Variants in CCDC136 observed in about 807,000 individuals in gnomAD.
The protein encoded by CCDC136 is coiled-coil domain-containing protein 136.
CCDC136 carries 100 observed loss-of-function variants against 141.2 expected under a neutral mutation model. The observed-to-expected ratio is 0.71, with a 90% CI of 0.60 to 0.84. The LOEUF (loss-of-function observed/expected upper bound fraction) is 0.84, where lower values mean the gene tolerates loss of function less well. CCDC136 is among the 40% of genes least tolerant of loss of function. The probability of loss-of-function intolerance (pLI) is 0.00; values close to 1 mark genes in which losing one functional copy is unlikely to be tolerated. For synonymous variants in CCDC136, 474 were observed against 531.9 expected, an observed-to-expected ratio of 0.89 and a Z score of 1.50; for missense variants, 1,206 against 1,379.4, an observed-to-expected ratio of 0.87 and a Z score of 1.99.
intron 1 of CCDC136, among the ~76,000 whole-genome samples, chr7:128,792,955 G>A (rs1802411540): frequency 6.6e-6 from 1 of 152,224 alleles, no homozygotes; most frequent in Non-Finnish European, 1.5e-5. Context: ...ACACCCATGT[G>A]ACTTGGCAGT....
intron 3 of CCDC136, among the ~76,000 whole-genome samples, chr7:128,796,182 G>A (rs1802918379): frequency 6.6e-6 from 1 of 152,118 alleles, no homozygotes; most frequent in African/African-American, 2.4e-5. Context: ...CACCATGTTG[G>A]CCAGGCTGGT....
At chr7:128,804,275 C>T (rs1296875387) in intron 4 of CCDC136, among the ~76,000 whole-genome samples, 1 of 152,196 alleles carries the variant, frequency 6.6e-6, no homozygotes, top group Non-Finnish European at 1.5e-5. Context: ...TAATCATAAA[C>T]AGTTGAATGG....
rs913260726 is a variant in CCDC136 at position 128,794,138 on chromosome 7, G to A, written c.17-210G>A. ...ACCAAGTGCAACATTGGTCCAGGAA[G>A]GGCCTGGGAGGTGGAGGGGCTGCTT... On this transcript the variant is annotated intron_variant, in intron 1 of 17. Transcript: ENST00000297788. This position sits in a 1 kb window ranked among gnomAD's most constrained non-coding sequence, Gnocchi z 4.3. The A allele has an allele frequency of 3.0e-6, 2 of 663,484 alleles. No homozygotes were observed. The highest frequency in any genetic ancestry group is 3.5e-5 in the African/African-American group (2 of 56,564). 41.1% of individuals were successfully genotyped at this position (663,484 alleles called of 1,614,324 possible). A position where few individuals can be genotyped will look rare whatever the true frequency, so the allele number is the denominator to read the frequency against.
rs780860317 is a variant in CCDC136, at chr7:128,801,479, T to C, written c.640T>C (p.Leu214=). 1 of 1,606,920 alleles carries C rather than the reference T, an allele frequency of 6.2e-7. No individual in the cohort carries two copies. Among genetic ancestry groups the C allele is most frequent in the Non-Finnish European group, 8.5e-7 (1 of 1,174,424 alleles). Residue 214 remains leucine, a synonymous_variant, in exon 4 of 18, where the codon TTA becomes CTA. Coordinates refer to ENST00000297788, the MANE Select transcript of CCDC136 (RefSeq NM_022742.5). Reference sequence around the variant, plus strand: ...GAAGAGCTCTGAACCATCCGGTAGTTTAGGTCTCTCAGATTACTCTGGGTT... The same window carrying C: ...GAAGAGCTCTGAACCATCCGGTAGTCTAGGTCTCTCAGATTACTCTGGGTT... The part of the protein sequence containing the change: ...EMKSSEPSGS[L]GLSDYSGLQE...
chr7:128,819,617 CTG>C (rs1807164763), intron 17 of CCDC136, among the ~76,000 whole-genome samples: 1 of 152,156 alleles, frequency 6.6e-6, no homozygotes, highest in Admixed American at 6.5e-5. Context: ...CGTATATTAA[CTG>C]ATTTAATCCT....
chr7:128,811,350 A>G, intron 12 of CCDC136: 1 of 457,084 alleles, frequency 2.2e-6, no homozygotes. Context: ...ACAGGAACTA[A>G]TAGTAAGACT....
chr7:128,805,218 AT>A lies in CCDC136; in HGVS notation c.783-140del, dbSNP rs1370575516. On this transcript the variant is annotated intron_variant, in intron 5 of 17. Transcript: ENST00000297788. The surrounding 1 kb of genome is among the most constrained non-coding windows in gnomAD (Gnocchi z 4.6). ...GGAGACTTTCTGTAGTCTTTTAAGCATGTTTATCTGAGCGGTGAGTCACAAT... is the reference window on the plus strand; with the variant it reads ...GGAGACTTTCTGTAGTCTTTTAAGCAGTTTATCTGAGCGGTGAGTCACAAT... 7.1e-6 allele frequency: 5 copies of A among 699,992 alleles called. No individual in the cohort carries two copies. The East Asian group carries it at 1.1e-4, about 15-fold the overall frequency. The allele number at this position is 699,992 out of a possible 1,614,324, so 43.4% of individuals were successfully genotyped here.
In CCDC136 at chr7:128,811,849, A is replaced by T. The variant is rs777068272; in HGVS notation, c.2078A>T (p.Asp693Val). Residue 693 changes from aspartate to valine, a missense_variant, in exon 13 of 18, where the codon GAC becomes GTC. Asp to Val is a radical substitution (Grantham distance 152, BLOSUM62 -3). Coordinates refer to ENST00000297788, the MANE Select transcript of CCDC136 (RefSeq NM_022742.5). ...ATGCAGGCCCTGCAGGTGATGTATG[A>T]CGCCGGTCAGGCGAAGCAGGAGCTC... ...EQMQALQVMY[D>V]AGQAKQELLQ... 1.2e-6 allele frequency: 2 copies of T among 1,609,814 alleles called. No homozygotes were observed. Among genetic ancestry groups the T allele is most frequent in the Non-Finnish European group, 1.7e-6 (2 of 1,178,286 alleles).
chr7:128,817,728 G>A lies in CCDC136; in HGVS notation c.3364-30G>A, dbSNP rs746619572. ...GTCTCACATCTCCTGGTCTCTCCTC[G>A]TGCTTCTTTCTCATTTTGGTGTGTT... is the stretch of plus-strand genomic sequence containing the variant. On this transcript the variant is annotated intron_variant, in intron 16 of 17. Transcript: ENST00000297788. This position sits in a 1 kb window ranked among gnomAD's most constrained non-coding sequence, Gnocchi z 4.6. 12 of 1,460,410 alleles carry A rather than the reference G, an allele frequency of 8.2e-6. No homozygotes were observed. Among genetic ancestry groups the A allele is most frequent in the East Asian group, 2.3e-5 (1 of 44,138 alleles). The allele number at this position is 1,460,410 out of a possible 1,614,324, so 90.5% of individuals were successfully genotyped here.
intron 12 of CCDC136, among the ~76,000 whole-genome samples, 192 bp from the exon 13 acceptor site, chr7:128,811,608 T>G (rs1562927424): frequency 6.6e-6 from 1 of 152,164 alleles, no homozygotes; most frequent in African/African-American, 2.4e-5. Context: ...TGGGGAGATT[T>G]TCCCAAATGA....
At chr7:128,795,144 T>A (rs1385370341) in intron 3 of CCDC136, among the ~76,000 whole-genome samples, 2 of 152,142 alleles carry the variant, frequency 1.3e-5, no homozygotes, top group African/African-American at 2.4e-5. Context: ...CCAAGCCGGA[T>A]TCCTTTTTCT....
chr7:128,801,267 T>C lies in CCDC136; in HGVS notation c.428T>C (p.Leu143Ser). The C allele has an allele frequency of 3.1e-6, 5 of 1,613,890 alleles. No homozygotes were observed. In the African/African-American group the frequency reaches 5.3e-5, roughly 17 times the overall value. ...ESELKEIEQE[L>S]HLAQAEIQSL... ...GAACTTAAGGAAATAGAACAGGAATTGCATTTGGCCCAGGCTGAGATCCAG... is the reference window on the plus strand; with the variant it reads ...GAACTTAAGGAAATAGAACAGGAATCGCATTTGGCCCAGGCTGAGATCCAG... Residue 143 changes from leucine to serine, a missense_variant, in exon 4 of 18, where the codon TTG becomes TCG. Physicochemically the swap from Leu to Ser is moderately radical, Grantham distance 145 (BLOSUM62 -2). Coordinates refer to ENST00000297788, the MANE Select transcript of CCDC136 (RefSeq NM_022742.5).
At chr7:128,796,166 G>A (rs1387071716) in intron 3 of CCDC136, among the ~76,000 whole-genome samples, 3 of 152,144 alleles carry the variant, frequency 2.0e-5, no homozygotes, top group Non-Finnish European at 4.4e-5. Context: ...AGTAGAGATG[G>A]AGTTTCACCA....
chr7:128,797,093 G>C (rs919496533), intron 3 of CCDC136, among the ~76,000 whole-genome samples: 2 of 152,160 alleles, frequency 1.3e-5, no homozygotes, highest in African/African-American at 4.8e-5. Context: ...AATTCGATCA[G>C]GGGATAACAG....
Position 128,812,910 on chromosome 7 carries a change from C to G in CCDC136, c.2744C>G (p.Pro915Arg). The change falls in exon 14 of 18, where the codon CCC (proline) becomes CGC (arginine). Residue 915 changes from proline (P) to arginine (R), a missense_variant. Pro to Arg is a moderately radical substitution (Grantham distance 103). Coordinates refer to ENST00000297788, the MANE Select transcript of CCDC136 (RefSeq NM_022742.5). The part of the protein sequence containing the change: ...CMECLEKPMA[P>R]QNDKNEIKEL... ...GAATGCCTTGAAAAGCCCATGGCCC[C>G]CCAGAACGACAAGAATGAGGTAACC... is the stretch of plus-strand genomic sequence containing the variant. 1 of 1,608,274 alleles carries G rather than the reference C, an allele frequency of 6.2e-7. No individual in the cohort carries two copies. The highest frequency in any genetic ancestry group is 8.5e-7 in the Non-Finnish European group (1 of 1,177,390).
upstream of CCDC136, among the ~76,000 whole-genome samples, chr7:128,791,143 C>G (rs951329021): frequency 1.6e-3 from 237 of 152,276 alleles, 1 homozygote; most frequent in Admixed American, 5.2e-3. This position sits in a 1 kb window ranked among gnomAD's most constrained non-coding sequence, Gnocchi z 7.1. Context: ...CCCGGGGGGA[C>G]CCGCCGCCAG....
chr7:128,806,661 C>T, intron 8 of CCDC136, 27 bp from the exon 9 acceptor site: 1 of 1,595,858 alleles, frequency 6.3e-7, no homozygotes, highest in Non-Finnish European at 8.5e-7. Context: ...AGCCCAAAGG[C>T]ACTGCCCAAA....
intron 3 of CCDC136, among the ~76,000 whole-genome samples, chr7:128,800,449 C>A (rs532877649): frequency 6.6e-6 from 1 of 150,628 alleles, no homozygotes; most frequent in African/African-American, 2.5e-5. Flanking sequence ...TGCCACCACA[C>A]CTGGCTTTCT....
At chr7:128,791,741 C>A, upstream of CCDC136, 1 of 417,862 alleles carries the variant, frequency 2.4e-6, no homozygotes, top group Non-Finnish European at 4.1e-6. This position sits in a 1 kb window ranked among gnomAD's most constrained non-coding sequence, Gnocchi z 7.1. Flanking sequence ...GGCTTCCGCG[C>A]ACCGGCCGCA....
Sources: allele counts gnomAD v4.1 joint callset (sites outside exome capture counted in the v4.1 genomes callset), GRCh38; gene constraint gnomAD v4.1.1; non-coding constraint Gnocchi (gnomAD v3.1); transcripts MANE v1.5; gene names NCBI Gene and HGNC (gene_info 2026-07-23, HGNC 2026-07-21).